Variants in FBN1 observed in about 807,000 individuals in gnomAD.
The protein encoded by FBN1 is fibrillin 1, also known as fibrillin-1.
In FBN1, 29 loss-of-function variants were observed where a neutral mutation model predicts 365.1. That is an observed-to-expected ratio of 0.08 (90% CI 0.06 to 0.11). The LOEUF is 0.11. Among genes scored for constraint, FBN1 ranks in the 10% least tolerant of loss-of-function variants. FBN1 has a pLI of 1.00. For missense variants in FBN1, 2,476 were observed against 3,703.2 expected (o/e 0.67, Z 8.60); for synonymous variants, 1,210 against 1,270.5 (o/e 0.95, Z 1.01).
chr15:48,574,126 T>C (rs1329743901), intron 6 of FBN1, among the ~76,000 whole-genome samples: 1 of 152,186 alleles, frequency 6.6e-6, no homozygotes, highest in Non-Finnish European at 1.5e-5. Flanking sequence ...CTTGCAATGG[T>C]CAGTGGTACA....
Position 48,487,304 on chromosome 15 carries a change from C to T in FBN1, c.3463+8G>A. 1.2e-6 allele frequency: 2 copies of T among 1,614,228 alleles called. No individual in the cohort carries two copies. The highest frequency in any genetic ancestry group is 1.7e-6 in the Non-Finnish European group (2 of 1,180,036). On this transcript the variant is annotated splice_region_variant and intron_variant, in intron 28 of 65. Coordinates refer to ENST00000316623, the MANE Select transcript of FBN1 (RefSeq NM_000138.5). ...ACAAGTAAATGGTGTGAAAGTCTTT[C>T]TCCTTACCGATACACGCGGAGATGT...
chr15:48,520,008 G>A (rs192026716), intron 10 of FBN1, among the ~76,000 whole-genome samples: 1 of 152,114 alleles, frequency 6.6e-6, no homozygotes, highest in Non-Finnish European at 1.5e-5. Context: ...CATTCATTGT[G>A]TACAACATGG....
intron 7 of FBN1, among the ~76,000 whole-genome samples, chr15:48,534,762 G>A (rs530385306): frequency 6.6e-6 from 1 of 152,318 alleles, no homozygotes; most frequent in East Asian, 1.9e-4. Flanking sequence ...CTGGAGAAGT[G>A]CCTTGCACAG....
intron 58 of FBN1, 124 bp from the exon 59 acceptor site, chr15:48,425,988 A>G (rs1442277617): frequency 2.7e-6 from 2 of 750,408 alleles, no homozygotes; most frequent in South Asian, 1.6e-5. Context: ...AAGAAATTAA[A>G]CCAGTAAGAT....
intron 6 of FBN1, among the ~76,000 whole-genome samples, chr15:48,565,809 C>T (rs1363923521): frequency 6.6e-6 from 1 of 152,106 alleles, no homozygotes; most frequent in African/African-American, 2.4e-5. Flanking sequence ...TACTCTTTAT[C>T]TTCAAGATTC....
chr15:48,434,748 G>C (rs2043052437), intron 53 of FBN1, 35 bp from the exon 54 acceptor site: 1 of 1,609,726 alleles, frequency 6.2e-7, no homozygotes, highest in African/African-American at 1.3e-5. Context: ...AAAACATGAT[G>C]AATTGAGATA....
rs1468396876 is a variant in FBN1 at position 48,487,193 on chromosome 15, A to G, written c.3471T>C (p.Asn1157=). 6.2e-7 allele frequency: 1 copy of G among 1,614,184 alleles called. No homozygotes were observed. Among genetic ancestry groups the G allele is most frequent in the Middle Eastern group, 1.6e-4 (1 of 6,062 alleles). ...ACAGGTGTGCACTCAGCTCACATTCATTGATGTCTGTCGGGAAAATAAGAA... is the reference window on the plus strand; with the variant it reads ...ACAGGTGTGCACTCAGCTCACATTCGTTGATGTCTGTCGGGAAAATAAGAA... ...SPNISACIDI[N]ECELSAHLCP... is the part of the protein sequence containing the mutation. The change falls in exon 29 of 66, where the codon AAT becomes AAC. Residue 1157 remains asparagine, a synonymous_variant. Coordinates refer to ENST00000316623, the MANE Select transcript of FBN1 (RefSeq NM_000138.5).
At chr15:48,632,102 A>G (rs187855727) in intron 2 of FBN1, among the ~76,000 whole-genome samples, 1 of 152,340 alleles carries the variant, frequency 6.6e-6, no homozygotes, top group East Asian at 1.9e-4. Context: ...CAATTTAGGG[A>G]AAGAGAAAAT....
chr15:48,425,351 T>C lies in FBN1; in HGVS notation c.7453+18A>G. The C allele has an allele frequency of 1.2e-6, 2 of 1,614,102 alleles. No individual in the cohort carries two copies. Among genetic ancestry groups the C allele is most frequent in the South Asian group, 2.2e-5 (2 of 91,086 alleles). On this transcript the variant is annotated intron_variant, in intron 60 of 65. Transcript: ENST00000316623. ...GTGTCAGGAGCTAGGTGAGGGGCAA[T>C]GGTCAATTCTACTTTACCTTTGCAG... is the stretch of plus-strand genomic sequence containing the variant.
At chr15:48,577,689 G>A (rs1341015232) in intron 6 of FBN1, among the ~76,000 whole-genome samples, 1 of 152,110 alleles carries the variant, frequency 6.6e-6, no homozygotes, top group East Asian at 1.9e-4. Flanking sequence ...CGCCTTCCCT[G>A]AAGTTTCTTT....
intron 41 of FBN1, 120 bp downstream of exon 41, chr15:48,463,779 G>A (rs1597545731): frequency 1.8e-6 from 2 of 1,136,124 alleles, no homozygotes; most frequent in East Asian, 5.1e-5. Context: ...ACAAGACAGT[G>A]AAGGGATGCC....
intron 4 of FBN1, among the ~76,000 whole-genome samples, 172 bp from the exon 5 acceptor site, chr15:48,600,406 T>A (rs539717402): frequency 6.6e-6 from 1 of 152,212 alleles, no homozygotes; most frequent in Non-Finnish European, 1.5e-5. Context: ...TATTTGTGTG[T>A]GTAAAATCAT....
rs191569116 is a variant in FBN1, at chr15:48,468,020, A to G, written c.4665T>C (p.Val1555=). The stretch of plus-strand genomic sequence containing the variant: ...AGCAGCAGGAAGCTTTGGAAACACC[A>G]ACTCCAATTTCATTGCTGCAGGCTG... ...GDTACSNEIG[V]GVSKASCCCS... Residue 1555 remains valine (V), a synonymous_variant, in exon 38 of 66, where the codon GTT becomes GTC. Coordinates refer to ENST00000316623, the MANE Select transcript of FBN1 (RefSeq NM_000138.5). 31 of 1,614,156 alleles carry G rather than the reference A, an allele frequency of 1.9e-5. No individual in the cohort carries two copies. In the East Asian group the frequency reaches 6.5e-4, roughly 34 times the overall value.
At chr15:48,626,576 AAAAT>A (rs1219569954) in intron 2 of FBN1, among the ~76,000 whole-genome samples, 3 of 152,206 alleles carry the variant, frequency 2.0e-5, no homozygotes, top group Non-Finnish European at 2.9e-5. Flanking sequence ...CTCAGGAACA[AAAAT>A]AAATAAATAA....
At chr15:48,580,394 C>T (rs1212223181) in intron 6 of FBN1, among the ~76,000 whole-genome samples, 2 of 152,192 alleles carry the variant, frequency 1.3e-5, no homozygotes, top group Non-Finnish European at 2.9e-5. Flanking sequence ...TCCTTAGAAA[C>T]TCTACGTTAT....
chr15:48,574,252 G>A (rs1369101960), intron 6 of FBN1, among the ~76,000 whole-genome samples: 1 of 152,192 alleles, frequency 6.6e-6, no homozygotes, highest in Non-Finnish European at 1.5e-5. Context: ...TATCCTGGAA[G>A]TACAAACAAT....
chr15:48,437,730 C>T, intron 51 of FBN1, 38 bp downstream of exon 51: 2 of 1,611,930 alleles, frequency 1.2e-6, no homozygotes, highest in South Asian at 1.1e-5. Context: ...AGTCTGCACC[C>T]TGCATGGCCC....
At chr15:48,513,429 G>A (rs1243869318) in intron 13 of FBN1, 120 bp downstream of exon 13, 1 of 1,415,452 alleles carries the variant, frequency 7.1e-7, no homozygotes, top group Non-Finnish European at 1.0e-6. Flanking sequence ...GTTCAAAAAA[G>A]CCACGGGACT....
chr15:48,624,112 G>A (rs1320054215), intron 2 of FBN1, among the ~76,000 whole-genome samples: 3 of 152,048 alleles, frequency 2.0e-5, no homozygotes, highest in Non-Finnish European at 4.4e-5. Context: ...TATAGGTGGA[G>A]TGTATATATT....
Sources: gnomAD v4.1 joint callset for allele counts (sites outside exome capture counted in the v4.1 genomes callset) on GRCh38, gnomAD v4.1.1 for gene constraint, MANE v1.5 for transcripts, NCBI Gene and HGNC (gene_info 2026-07-23, HGNC 2026-07-21) for gene names.